ECEL1: variants seen among roughly 807,000 people sequenced by gnomAD.
ECEL1 encodes endothelin-converting enzyme-like 1.
Under a neutral mutation model 101.8 loss-of-function variants are expected in ECEL1, and 87 were observed. That is an observed-to-expected ratio of 0.85 (90% CI 0.72 to 1.02). The LOEUF is 1.02. ECEL1 is among the 50% of genes least tolerant of loss of function. The probability of loss-of-function intolerance (pLI) is 0.00; values close to 1 mark genes in which losing one functional copy is unlikely to be tolerated. For synonymous variants in ECEL1, 487 were observed against 468.7 expected, an observed-to-expected ratio of 1.04 and a Z score of -0.50; for missense variants, 1,032 against 1,079.2, an observed-to-expected ratio of 0.96 and a Z score of 0.61.
chr2:232,481,328 G>A (rs1016884665), intron 14 of ECEL1, among the ~76,000 whole-genome samples, 172 bp from the exon 15 acceptor site: 1 of 152,202 alleles, frequency 6.6e-6, no homozygotes, highest in East Asian at 1.9e-4. Context: ...CTTGTCCTCC[G>A]TAAGTCTGCG....
chr2:232,483,357 G>C (rs965140167), intron 8 of ECEL1, 59 bp downstream of exon 8: 5 of 1,566,692 alleles, frequency 3.2e-6, no homozygotes, highest in Non-Finnish European at 4.3e-6. Flanking sequence ...TCTTTCGCTG[G>C]TACACAGTAG....
rs1470513076 is a variant in ECEL1 at position 232,482,718 on chromosome 2, G to A, written c.1686-110C>T. 25 of 1,504,692 alleles carry A rather than the reference G, an allele frequency of 1.7e-5. 1 individual carries two copies. Among genetic ancestry groups the A allele is most frequent in the Admixed American group, 5.1e-5 (3 of 58,480 alleles). 93.2% of individuals were successfully genotyped at this position (1,504,692 alleles called of 1,614,324 possible). On this transcript the variant is annotated intron_variant, in intron 10 of 17. Transcript: ENST00000304546. ...CTGACAGTCTGGGGGTCACCCTGCC[G>A]GCCCCCACCCCATGCCCTGTGCTGG...
intron 3 of ECEL1, 28 bp downstream of exon 3, chr2:232,485,171 C>T (rs1221143043): frequency 1.2e-6 from 2 of 1,613,112 alleles, no homozygotes; most frequent in East Asian, 2.2e-5. Context: ...CCAGGCCTTC[C>T]CTGCCTCCCC....
At chr2:232,481,216 T>A in intron 14 of ECEL1, 60 bp from the exon 15 acceptor site, 1 of 1,535,184 alleles carries the variant, frequency 6.5e-7, no homozygotes, top group Non-Finnish European at 8.8e-7. Context: ...CCCTCAGGCA[T>A]TGATACCCTG....
chr2:232,484,651 A>ACAGGGAGGGGGCAGAGAGAGG, intron 5 of ECEL1, 55 bp from the exon 6 acceptor site: 1 of 1,608,646 alleles, frequency 6.2e-7, no homozygotes, highest in Non-Finnish European at 8.5e-7. Context: ...GCCACAGAAG[A>ACAGGGAGGGGGCAGAGAGAGG]CAGGGAGGGG....
At chr2:232,483,032 A>C in intron 9 of ECEL1, 73 bp downstream of exon 9, 1 of 1,611,592 alleles carries the variant, frequency 6.2e-7, no homozygotes, top group East Asian at 2.2e-5. Flanking sequence ...CTGGCCGTGC[A>C]GGCCACCTGC....
rs76735188 is a variant in ECEL1 at position 232,484,900 on chromosome 2, G to C, written c.967-7C>G. On this transcript the variant is annotated splice_polypyrimidine_tract_variant and splice_region_variant and intron_variant, in intron 4 of 17. Coordinates refer to ENST00000304546, the MANE Select transcript of ECEL1 (RefSeq NM_004826.4). Reference sequence around the variant, plus strand: ...CATGCTCTGACACAGTGATCTGTGGGGAGAGATCACAGCTGACCCAGCCCT... The same window carrying C: ...CATGCTCTGACACAGTGATCTGTGGCGAGAGATCACAGCTGACCCAGCCCT... 20,042 of 1,613,230 alleles carry C rather than the reference G, an allele frequency of 0.012. 155 individuals carry two copies. Among genetic ancestry groups the C allele is most frequent in the Non-Finnish European group, 0.015 (17,765 of 1,179,836 alleles).
chr2:232,481,377 C>G (rs543335359), intron 14 of ECEL1, 129 bp downstream of exon 14: 2 of 1,465,280 alleles, frequency 1.4e-6, no homozygotes, highest in African/African-American at 2.8e-5. Context: ...GCGTGGGAAC[C>G]GAATGTGTGT....
At chr2:232,482,825 C>G in intron 10 of ECEL1, 26 bp downstream of exon 10, 3 of 1,612,044 alleles carry the variant, frequency 1.9e-6, no homozygotes, top group Non-Finnish European at 2.5e-6. Flanking sequence ...CCTTCCCTGA[C>G]CCCCAGCTCT....
chr2:232,484,606 C>T lies in ECEL1; in HGVS notation c.1060-10G>A. On this transcript the variant is annotated splice_polypyrimidine_tract_variant and intron_variant, in intron 5 of 17. Transcript: ENST00000304546. ...GCCACTTCCACCGCAACTGTGAGACCAAGGACAGGGACAGTGAGGCTAGGG... is the reference window on the plus strand; with the variant it reads ...GCCACTTCCACCGCAACTGTGAGACTAAGGACAGGGACAGTGAGGCTAGGG... 1 of 1,613,748 alleles carries T rather than the reference C, an allele frequency of 6.2e-7. No individual in the cohort carries two copies.
At position 232,483,369 on chromosome 2, in the gene ECEL1, T is replaced by A. The variant is rs373090278; in HGVS notation, c.1506+47A>T. On this transcript the variant is annotated intron_variant, in intron 8 of 17. Coordinates refer to ENST00000304546, the MANE Select transcript of ECEL1 (RefSeq NM_004826.4). The stretch of plus-strand genomic sequence containing the variant: ...TTCTCTTTCGCTGGTACACAGTAGG[T>A]GCTCAATATATATGGGACCAACCAA... 5 of 1,574,428 alleles carry A rather than the reference T, an allele frequency of 3.2e-6. No homozygotes were observed. In the African/African-American group the frequency reaches 5.4e-5, roughly 17 times the overall value.
rs772663779 is a variant in ECEL1 at position 232,486,366 on chromosome 2, G to C, written c.288C>G (p.Pro96=). ...AGGCCTTGCGCTCAGGGCAGCCCTC[G>C]GGACAGGCGCCGCCGCCGGCCGCGA... ...GPVAAGGGAC[P]EGCPERKAFA... The change falls in exon 2 of 18, where the codon CCC becomes CCG. Residue 96 remains proline, a synonymous_variant. Transcript: ENST00000304546. 45 of 1,501,976 alleles carry C rather than the reference G, an allele frequency of 3.0e-5. No homozygotes were observed. Among genetic ancestry groups the C allele is most frequent in the Admixed American group, 4.5e-5 (2 of 44,072 alleles). 93.0% of individuals were successfully genotyped at this position (1,501,976 alleles called of 1,614,324 possible). A position where few individuals can be genotyped will look rare whatever the true frequency, so the allele number is the denominator to read the frequency against.
Position 232,483,443 on chromosome 2 carries a change from G to C in ECEL1, c.1479C>G (p.Ala493=). Residue 493 remains alanine, a synonymous_variant, in exon 8 of 18, where the codon GCC becomes GCG. Coordinates refer to ENST00000304546, the MANE Select transcript of ECEL1 (RefSeq NM_004826.4). ...TGGCCCGAGCAGCAGCCCTGGTCTC[G>C]GCGTCCATCCAGTCCAGCTCCTCCA... ...QRLEELDWMD[A]ETRAAARAKL... 1.2e-6 allele frequency: 2 copies of C among 1,611,774 alleles called. No individual in the cohort carries two copies. The highest frequency in any genetic ancestry group is 8.5e-7 in the Non-Finnish European group (1 of 1,179,444).
intron 2 of ECEL1, among the ~76,000 whole-genome samples, chr2:232,485,536 G>A (rs796479578): frequency 1.2e-4 from 18 of 152,294 alleles, no homozygotes; most frequent in African/African-American, 4.1e-4. Context: ...ACTGACAGTT[G>A]GGACCCCTAG....
Position 232,486,176 on chromosome 2 carries a change from G to C in ECEL1, c.478C>G (p.Arg160Gly). Residue 160 changes from arginine (R) to glycine (G), a missense_variant, in exon 2 of 18, where the codon CGC becomes GGC. Coordinates refer to ENST00000304546, the MANE Select transcript of ECEL1 (RefSeq NM_004826.4). ...IAAIGEQNEE[R>G]LRRLLARPGG... ...GGCCGCGCCAGCAGGCGCCGTAGGC[G>C]CTCCTCGTTTTGCTCGCCGATGGCC... is the stretch of plus-strand genomic sequence containing the variant. 6.3e-7 allele frequency: 1 copy of C among 1,589,728 alleles called. No individual in the cohort carries two copies. Among genetic ancestry groups the C allele is most frequent in the East Asian group, 2.3e-5 (1 of 44,032 alleles).
At chr2:232,483,806 G>A (rs1473946378) in intron 7 of ECEL1, among the ~76,000 whole-genome samples, 195 bp downstream of exon 7, 2 of 152,238 alleles carry the variant, frequency 1.3e-5, no homozygotes, top group Admixed American at 1.3e-4. Context: ...GCAGTTGATA[G>A]TCCACATAAG....
In ECEL1 at chr2:232,480,018, G is replaced by C. The variant is rs2741278; in HGVS notation, c.*135C>G. On this transcript the variant is annotated 3_prime_UTR_variant, in exon 18 of 18. Transcript: ENST00000304546. ...CCCTCCTGAAGTGAGGGGCAGCAGG[G>C]GGACCGGGTCCTGGAGGGGCTGGAA... The C allele has an allele frequency of 0.29, 232,440 of 789,780 alleles. 36,187 individuals carry two copies. The highest frequency in any genetic ancestry group is 0.46 in the East Asian group (17,457 of 38,236). The allele number at this position is 789,780 out of a possible 1,614,324, so 48.9% of individuals were successfully genotyped here.
In ECEL1 at chr2:232,479,995, C is replaced by T. The variant is rs976641211; in HGVS notation, c.*158G>A. 5 of 679,536 alleles carry T rather than the reference C, an allele frequency of 7.4e-6. No homozygotes were observed. Among genetic ancestry groups the T allele is most frequent in the African/African-American group, 1.8e-5 (1 of 55,284 alleles). The allele number at this position is 679,536 out of a possible 1,614,324, so 42.1% of individuals were successfully genotyped here. ...TCCAGCCTCACCCTGCTCCAGGCCC[C>T]TCCTGAAGTGAGGGGCAGCAGGGGG... On this transcript the variant is annotated 3_prime_UTR_variant, in exon 18 of 18. Transcript: ENST00000304546.
intron 3 of ECEL1, 25 bp from the exon 4 acceptor site, chr2:232,485,116 C>A (rs1238121592): frequency 1.2e-6 from 2 of 1,611,352 alleles, no homozygotes; most frequent in Non-Finnish European, 1.7e-6. Context: ...GGGGCTCACC[C>A]AGGGACAGGG....
Sources: allele counts gnomAD v4.1 joint callset (sites outside exome capture counted in the v4.1 genomes callset), GRCh38; gene constraint gnomAD v4.1.1; transcripts MANE v1.5; gene names NCBI Gene and HGNC (gene_info 2026-07-23, HGNC 2026-07-21).